SCN7A: variants seen among roughly 807,000 people sequenced by gnomAD.
The protein encoded by SCN7A is sodium voltage-gated channel alpha subunit 7.
A neutral mutation model predicts 155.2 loss-of-function variants in SCN7A; 138 were observed. The observed-to-expected ratio is 0.89, with a 90% CI of 0.77 to 1.02. SCN7A has a LOEUF of 1.02. SCN7A is among the 50% of genes least tolerant of loss of function. SCN7A has a pLI of 0.00. For missense variants in SCN7A, 2,058 were observed against 1,986.6 expected (o/e 1.04, Z -0.68); for synonymous variants, 693 against 649.0 (o/e 1.07, Z -1.03).
At chr2:166,436,675 C>A (rs1219956856) in intron 15 of SCN7A, among the ~76,000 whole-genome samples, 1 of 152,154 alleles carries the variant, frequency 6.6e-6, no homozygotes, top group Non-Finnish European at 1.5e-5. Context: ...AAGTTTGGAA[C>A]TTCCTAGAGA....
chr2:166,418,977 C>G (rs372810366), intron 20 of SCN7A, among the ~76,000 whole-genome samples: 4 of 152,108 alleles, frequency 2.6e-5, no homozygotes, highest in African/African-American at 9.7e-5. Context: ...CTACTATTTT[C>G]CTGACCTTGA....
In SCN7A at chr2:166,447,857, G is replaced by A. The variant is rs80331872; in HGVS notation, c.1291-149C>T. On this transcript the variant is annotated intron_variant, in intron 11 of 25. Coordinates refer to ENST00000643258, the MANE Select transcript of SCN7A (RefSeq NM_002976.4). ...TGATACATAATCATTGTACATATTT[G>A]AGGGGTATATGTGGTATTTTCATAC... 0.012 allele frequency: 7,614 copies of A among 631,402 alleles called. 340 individuals are homozygous for A. In the East Asian group the frequency reaches 0.12, roughly 10 times the overall value. The allele number at this position is 631,402 out of a possible 1,614,324, so 39.1% of individuals were successfully genotyped here.
At chr2:166,487,134 A>C (rs1358465302) in intron 1 of SCN7A, among the ~76,000 whole-genome samples, 166 bp from the exon 2 acceptor site, 1 of 152,110 alleles carries the variant, frequency 6.6e-6, no homozygotes, top group Non-Finnish European at 1.5e-5. Context: ...TGTTTCCTAA[A>C]GTTCTAGGTT....
At chr2:166,474,201 T>A in intron 4 of SCN7A, 25 bp downstream of exon 4, 7 of 1,125,002 alleles carry the variant, frequency 6.2e-6, no homozygotes, top group Non-Finnish European at 7.5e-6. Context: ...CAGTTTAAAG[T>A]CAACAAGTCA....
rs921766927 is a variant in SCN7A, at chr2:166,489,963, T to G, written c.-127-2995A>C. On this transcript the variant is annotated intron_variant, in intron 1 of 25. Transcript: ENST00000643258. Reference sequence around the variant, plus strand: ...TTGTCTCTAATTGATAAATAGTAATTATATATATTTAGGGGATACAAGTTG... The same window carrying G: ...TTGTCTCTAATTGATAAATAGTAATGATATATATTTAGGGGATACAAGTTG... Among the ~76,000 whole-genome samples the G allele has an allele frequency of 1.3e-5, 2 of 151,926 alleles. 1 individual carries two copies. The highest frequency in any genetic ancestry group is 1.3e-4 in the Admixed American group (2 of 15,244).
At chr2:166,434,390 GT>G (rs200322534) in intron 15 of SCN7A, among the ~76,000 whole-genome samples, 1,840 of 152,220 alleles carry the variant, frequency 0.012, 44 homozygotes, top group African/African-American at 0.038. Flanking sequence ...TATGGGAAAT[GT>G]TTTGTGGGTG....
At chr2:166,476,719 C>G (rs1371703423) in intron 3 of SCN7A, among the ~76,000 whole-genome samples, 3 of 151,992 alleles carry the variant, frequency 2.0e-5, no homozygotes, top group Non-Finnish European at 2.9e-5. Flanking sequence ...CCTCATATCT[C>G]GTAACTTGCA....
chr2:166,446,967 T>A (rs751890265), intron 12 of SCN7A, among the ~76,000 whole-genome samples: 1 of 152,014 alleles, frequency 6.6e-6, no homozygotes, highest in Non-Finnish European at 1.5e-5. Context: ...ATGCAGCAGA[T>A]CATCATGGCA....
In SCN7A at chr2:166,439,584, T is replaced by C. The variant is rs796530233; in HGVS notation, c.2157+1812A>G. Among the ~76,000 whole-genome samples the C allele has an allele frequency of 3.9e-5, 6 of 152,322 alleles. 1 individual carries two copies. Among genetic ancestry groups the C allele is most frequent in the African/African-American group, 1.4e-4 (6 of 41,586 alleles). On this transcript the variant is annotated intron_variant, in intron 15 of 25. Transcript: ENST00000643258. Reference sequence around the variant, plus strand: ...TCCAAACTGAAGCAAGATCTATCTCTGATATTTTGAGTTATGAGTTATGTA... The same window carrying C: ...TCCAAACTGAAGCAAGATCTATCTCCGATATTTTGAGTTATGAGTTATGTA...
chr2:166,478,305 A>G (rs1195027887), intron 2 of SCN7A, among the ~76,000 whole-genome samples: 1 of 149,434 alleles, frequency 6.7e-6, no homozygotes, highest in Non-Finnish European at 1.5e-5. Flanking sequence ...ATAATAAAAA[A>G]TATATATAAT....
intron 25 of SCN7A, among the ~76,000 whole-genome samples, chr2:166,407,949 C>T (rs1265680348): frequency 1.3e-5 from 2 of 151,850 alleles, no homozygotes; most frequent in African/African-American, 4.8e-5. Context: ...TCAACTCCCA[C>T]TTATAAGTGA....
At chr2:166,418,919 G>C (rs1701448807) in intron 20 of SCN7A, among the ~76,000 whole-genome samples, 5 of 152,180 alleles carry the variant, frequency 3.3e-5, no homozygotes, top group Admixed American at 3.3e-4. Context: ...AACTTCCAGA[G>C]GTGGAGATGA....
Position 166,441,589 on chromosome 2 carries a change from T to C in SCN7A, c.1964A>G (p.Glu655Gly), listed in dbSNP as rs775052316. Residue 655 changes from glutamate to glycine, a missense_variant, in exon 15 of 26, where the codon GAA (glutamate) becomes GGA (glycine). Physicochemically the swap from Glu to Gly is moderately conservative, Grantham distance 98 (BLOSUM62 -2). Transcript: ENST00000643258. ...GTCTTTGTCTATGTGGCAGACAAAT[T>C]CTTCATAATTCTTACCAAACAGCTT... ...GMKLFGKNYEEFVCHIDKDCQ... is the reference protein window; with the variant it reads ...GMKLFGKNYEGFVCHIDKDCQ... 179 of 1,613,818 alleles carry C rather than the reference T, an allele frequency of 1.1e-4. No individual in the cohort carries two copies. The highest frequency in any genetic ancestry group is 1.4e-4 in the Non-Finnish European group (171 of 1,179,886).
chr2:166,452,943 T>A (rs1702203955), intron 11 of SCN7A, among the ~76,000 whole-genome samples: 1 of 152,180 alleles, frequency 6.6e-6, no homozygotes, highest in African/African-American at 2.4e-5. Flanking sequence ...ATTTTAATTA[T>A]CCCTAAATAT....
intron 25 of SCN7A, among the ~76,000 whole-genome samples, chr2:166,407,406 G>A (rs1227593894): frequency 6.6e-6 from 1 of 151,924 alleles, no homozygotes; most frequent in Non-Finnish European, 1.5e-5. Flanking sequence ...AGTTTATTTT[G>A]AGTTGAGAAG....
At chr2:166,416,484 C>T (rs1000199342) in intron 21 of SCN7A, among the ~76,000 whole-genome samples, 6 of 152,180 alleles carry the variant, frequency 3.9e-5, no homozygotes, top group Non-Finnish European at 8.8e-5. Context: ...TACTCTTTCT[C>T]TTTATTTCTC....
At chr2:166,467,679 A>T (rs1162349768) in intron 7 of SCN7A, among the ~76,000 whole-genome samples, 4 of 151,618 alleles carry the variant, frequency 2.6e-5, no homozygotes, top group Non-Finnish European at 5.9e-5. Flanking sequence ...ATTTTGTTAG[A>T]AAGTTCCGGG....
intron 15 of SCN7A, among the ~76,000 whole-genome samples, chr2:166,435,624 G>A (rs1408892213): frequency 2.0e-5 from 3 of 152,176 alleles, no homozygotes; most frequent in East Asian, 3.9e-4. Context: ...AAACAGGTAT[G>A]AAGGAATTTA....
intron 21 of SCN7A, among the ~76,000 whole-genome samples, chr2:166,413,981 G>GTATATATAGATATATA (rs1701259495): frequency 1.9e-5 from 1 of 53,526 alleles, no homozygotes; most frequent in African/African-American, 7.4e-5. Context: ...ATGTGTATGT[G>GTATATATAGATATATA]TATATATATA....
Sources: allele counts gnomAD v4.1 joint callset (sites outside exome capture counted in the v4.1 genomes callset), GRCh38; gene constraint gnomAD v4.1.1; transcripts MANE v1.5; gene names NCBI Gene and HGNC (gene_info 2026-07-23, HGNC 2026-07-21).